Variants in TPRX1 observed in about 807,000 individuals in gnomAD.
TPRX1 encodes the protein tetrapeptide repeat homeobox 1.
A neutral mutation model predicts 8.1 loss-of-function variants in TPRX1; 2 were observed. That is an observed-to-expected ratio of 0.25 (90% CI 0.10 to 0.78). The LOEUF (loss-of-function observed/expected upper bound fraction) is 0.78. Ranked by LOEUF, TPRX1 falls within the 30% of genes least tolerant of loss-of-function variation. The pLI is 0.70. For missense variants in TPRX1, 517 were observed against 586.9 expected, an observed-to-expected ratio of 0.88 and a Z score of 1.23; for synonymous variants, 257 against 254.1, an observed-to-expected ratio of 1.01 and a Z score of -0.11.
rs115039202 is a variant in TPRX1, at chr19:47,810,623, A to G, written c.152-6950T>C. ...CAGCCTCCCAAAGTGCTGGGATTACAGGCGCGTCCAGCCTTCCATCAATTC... is the reference window on the plus strand; with the variant it reads ...CAGCCTCCCAAAGTGCTGGGATTACGGGCGCGTCCAGCCTTCCATCAATTC... On this transcript the variant is annotated intron_variant, in intron 2 of 3. Transcript: ENST00000535759. Among the ~76,000 whole-genome samples the G allele has an allele frequency of 8.5e-3, 1,289 of 152,072 alleles. 21 individuals are homozygous for G. The highest frequency in any genetic ancestry group is 0.029 in the African/African-American group (1,222 of 41,494).
At chr19:47,813,148 A>T (rs1304739080) in intron 2 of TPRX1, among the ~76,000 whole-genome samples, 1 of 140,804 alleles carries the variant, frequency 7.1e-6, no homozygotes, top group Non-Finnish European at 1.6e-5. Flanking sequence ...AATAATAATA[A>T]ATAAAACAAC....
chr19:47,817,419 G>A (rs187341634), intron 2 of TPRX1, among the ~76,000 whole-genome samples: 1 of 152,158 alleles, frequency 6.6e-6, no homozygotes, highest in Non-Finnish European at 1.5e-5. Context: ...GCCAGCACCT[G>A]CCCCGGAGCC....
At chr19:47,815,114 T>TGATATATATA (rs1967819232) in intron 2 of TPRX1, among the ~76,000 whole-genome samples, 1 of 63,390 alleles carries the variant, frequency 1.6e-5, no homozygotes, top group Non-Finnish European at 2.7e-5. Context: ...AATAGATAAA[T>TGATATATATA]TATATATATA....
At chr19:47,815,457 G>A (rs374456914) in intron 2 of TPRX1, among the ~76,000 whole-genome samples, 27,151 of 148,108 alleles carry the variant, frequency 0.18, 2,631 homozygotes, top group Middle Eastern at 0.24. Flanking sequence ...CTGGCTCAAA[G>A]AATACTTTAA....
chr19:47,801,880 T>G (rs1967667216), exon 4 of TPRX1: 1 of 1,614,020 alleles, frequency 6.2e-7, no homozygotes, highest in Admixed American at 1.7e-5. Context: ...AGTCATCCCC[T>G]TCTTGGTACT....
chr19:47,815,486 A>G, intron 2 of TPRX1, among the ~76,000 whole-genome samples: 1 of 150,556 alleles, frequency 6.6e-6, no homozygotes, highest in Non-Finnish European at 1.5e-5. Context: ...CAAAATCTTC[A>G]AAAGTGTTTT....
intron 2 of TPRX1, among the ~76,000 whole-genome samples, chr19:47,812,858 C>T (rs1368937064): frequency 6.6e-6 from 1 of 151,926 alleles, no homozygotes; most frequent in East Asian, 1.9e-4. Flanking sequence ...GTAATCCTAG[C>T]GCTTTGGGAG....
intron 2 of TPRX1, among the ~76,000 whole-genome samples, chr19:47,816,051 GTTTA>G (rs1967836904): frequency 6.6e-6 from 1 of 151,366 alleles, no homozygotes. Context: ...TTGTTTTTCT[GTTTA>G]TTTATTTATA....
chr19:47,812,647 A>G (rs1269004932), intron 2 of TPRX1, among the ~76,000 whole-genome samples: 1 of 152,118 alleles, frequency 6.6e-6, no homozygotes, highest in Non-Finnish European at 1.5e-5. Flanking sequence ...AGGCAGGAGA[A>G]TCGCTTGAAC....
chr19:47,805,352 C>A (rs919293958), intron 2 of TPRX1, among the ~76,000 whole-genome samples: 1 of 152,106 alleles, frequency 6.6e-6, no homozygotes, highest in South Asian at 2.1e-4. Flanking sequence ...GTCTGATGGA[C>A]GTGCCCATGG....
rs1385642790 is a variant in TPRX1 at position 47,815,158 on chromosome 19, A to T, written c.151+3310T>A. On this transcript the variant is annotated intron_variant, in intron 2 of 3. Transcript: ENST00000535759. ...TATATATATATGCAAATATATATAT[A>T]TATATTTTTTTTTTTTGAGACAGTC... Among the ~76,000 whole-genome samples, 782 of 88,716 alleles carry T rather than the reference A, an allele frequency of 8.8e-3. 18 individuals are homozygous for T. Among genetic ancestry groups the T allele is most frequent in the African/African-American group, 0.035 (736 of 21,262 alleles). 58.2% of individuals were successfully genotyped at this position (88,716 alleles called of 152,430 possible).
chr19:47,801,737 C>G, exon 4 of TPRX1: 2 of 1,494,368 alleles, frequency 1.3e-6, no homozygotes, highest in Non-Finnish European at 1.8e-6. Flanking sequence ...CCACTCCAGG[C>G]CCTCTGGGAT....
At chr19:47,802,084 G>A in exon 4 of TPRX1, 1 of 1,595,090 alleles carries the variant, frequency 6.3e-7, no homozygotes, top group Non-Finnish European at 8.5e-7. Context: ...CTGGGCCTGA[G>A]CCTGGGCCTA....
At chr19:47,807,579 G>T (rs1437201827) in intron 2 of TPRX1, among the ~76,000 whole-genome samples, 1 of 151,960 alleles carries the variant, frequency 6.6e-6, no homozygotes, top group African/African-American at 2.4e-5. Flanking sequence ...CACCATGTTA[G>T]CCAGGCTAGT....
At chr19:47,806,997 C>T (rs1409079691) in intron 2 of TPRX1, among the ~76,000 whole-genome samples, 11 of 150,602 alleles carry the variant, frequency 7.3e-5, no homozygotes, top group Non-Finnish European at 1.3e-4. Flanking sequence ...CTCCATCTCC[C>T]GGGTTCAAGT....
At chr19:47,805,769 C>T (rs1967730297) in intron 2 of TPRX1, among the ~76,000 whole-genome samples, 1 of 152,118 alleles carries the variant, frequency 6.6e-6, no homozygotes, top group Non-Finnish European at 1.5e-5. Context: ...TGCACCATGG[C>T]TATTTATTTG....
At chr19:47,818,388 C>CTCCATCCCTCCATCCA (rs1967870129) in intron 2 of TPRX1, 7 of 342,988 alleles carry the variant, frequency 2.0e-5, no homozygotes, top group Non-Finnish European at 4.0e-5. Context: ...CCATCCATCC[C>CTCCATCCCTCCATCCA]TCCATCCATC....
At chr19:47,802,775 C>T in exon 4 of TPRX1, 1 of 1,604,400 alleles carries the variant, frequency 6.2e-7, no homozygotes, top group East Asian at 2.2e-5. Context: ...GCACCCAGGG[C>T]CACCCCAGGC....
chr19:47,811,809 A>T (rs1967786586), intron 2 of TPRX1, among the ~76,000 whole-genome samples: 1 of 146,772 alleles, frequency 6.8e-6, no homozygotes, highest in Admixed American at 6.9e-5. Flanking sequence ...TGGCAACTTC[A>T]CAGAACATAA....
Sources: gnomAD v4.1 joint callset for allele counts (sites outside exome capture counted in the v4.1 genomes callset) on GRCh38, gnomAD v4.1.1 for gene constraint, MANE v1.5 for transcripts, NCBI Gene and HGNC (gene_info 2026-07-23, HGNC 2026-07-21) for gene names.